Variants in UBE2E2 observed in about 807,000 individuals in gnomAD.
UBE2E2 encodes the protein ubiquitin-conjugating enzyme E2 E2.
Under a neutral mutation model 24.7 loss-of-function variants are expected in UBE2E2, and 6 were observed. The ratio of observed to expected loss-of-function variants is 0.24; its 90% CI spans 0.13 to 0.48. The LOEUF is 0.48. Ranked by LOEUF, UBE2E2 falls within the 20% of genes least tolerant of loss-of-function variation. UBE2E2 has a pLI of 0.99. For missense variants in UBE2E2, 169 were observed against 245.0 expected (o/e 0.69, Z 2.07); for synonymous variants, 104 against 83.6 (o/e 1.24, Z -1.33).
At chr3:23,322,201 A>G (rs1021373617) in intron 3 of UBE2E2, among the ~76,000 whole-genome samples, 3 of 152,250 alleles carry the variant, frequency 2.0e-5, no homozygotes, top group Non-Finnish European at 4.4e-5. Flanking sequence ...AATTTTTCAT[A>G]GTGAACTTAA....
chr3:23,542,170 G>A (rs1420664397), intron 5 of UBE2E2, among the ~76,000 whole-genome samples: 1 of 152,102 alleles, frequency 6.6e-6, no homozygotes, highest in Non-Finnish European at 1.5e-5. Flanking sequence ...TCGTAGGAGG[G>A]TACATTTATC....
At chr3:23,350,854 G>GA (rs1695726284) in intron 3 of UBE2E2, among the ~76,000 whole-genome samples, 1 of 152,180 alleles carries the variant, frequency 6.6e-6, no homozygotes, top group Non-Finnish European at 1.5e-5. Context: ...TAGCAAGGCA[G>GA]ACCAACATTC....
Position 23,487,276 on chromosome 3 carries a change from G to A in UBE2E2, c.228-12332G>A, listed in dbSNP as rs192413695. On this transcript the variant is annotated intron_variant, in intron 3 of 5. Coordinates refer to ENST00000396703, the MANE Select transcript of UBE2E2 (RefSeq NM_152653.4). ...GGAAGAGGCCAGGGAGTAGGAGCAG[G>A]CACTTCCAAGCCTGCAGGGGCAGGG... is the stretch of plus-strand genomic sequence containing the variant. Among the ~76,000 whole-genome samples, 78 of 152,234 alleles carry A rather than the reference G, an allele frequency of 5.1e-4. 1 individual carries two copies. The highest frequency in any genetic ancestry group is 1.6e-3 in the African/African-American group (66 of 41,552).
At chr3:23,571,280 C>CTTTTTTTTTTTTTTTTTT (rs59243406) in intron 5 of UBE2E2, among the ~76,000 whole-genome samples, 525 of 29,874 alleles carry the variant, frequency 0.018, 209 homozygotes, top group Middle Eastern at 0.17. Context: ...GTGCTCCTTT[C>CTTTTTTTTTTTTTTTTTT]TTTTTTTTTT....
At chr3:23,447,644 T>C (rs907094656) in intron 3 of UBE2E2, among the ~76,000 whole-genome samples, 5 of 152,196 alleles carry the variant, frequency 3.3e-5, no homozygotes, top group African/African-American at 1.2e-4. Context: ...GAAGAAGTTT[T>C]AGTAATTCTT....
rs929515507 is a variant in UBE2E2 at position 23,208,803 on chromosome 3, A to C, written c.104A>C (p.Gln35Pro). 4.7e-5 allele frequency: 76 copies of C among 1,613,660 alleles called. No homozygotes were observed. Among genetic ancestry groups the C allele is most frequent in the Non-Finnish European group, 6.3e-5 (74 of 1,179,804 alleles). The change falls in exon 2 of 6, where the codon CAA becomes CCA. Residue 35 changes from glutamine (Q) to proline (P), a missense_variant. By Grantham distance (76) the Gln-to-Pro change is moderately conservative. Transcript: ENST00000396703. ...ESVQQEPERE[Q>P]VQPKKKEGKI... ...GTTCAGCAAGAACCAGAAAGAGAAC[A>C]AGTTCAGCCCAAGAAAAAGGAGGGA...
chr3:23,254,021 C>T (rs1697649487), intron 3 of UBE2E2, among the ~76,000 whole-genome samples: 1 of 152,134 alleles, frequency 6.6e-6, no homozygotes, highest in Non-Finnish European at 1.5e-5. Context: ...AACTGCCAGT[C>T]TAATAGGATA....
At chr3:23,468,549 G>A (rs1698970963) in intron 3 of UBE2E2, among the ~76,000 whole-genome samples, 1 of 152,152 alleles carries the variant, frequency 6.6e-6, no homozygotes, top group African/African-American at 2.4e-5. Context: ...ACCCAGTAAT[G>A]GAAATGTAAT....
intron 3 of UBE2E2, among the ~76,000 whole-genome samples, chr3:23,355,166 G>A (rs1461630098): frequency 6.6e-6 from 1 of 150,758 alleles, no homozygotes; most frequent in African/African-American, 2.4e-5. Context: ...ACTCATAGGT[G>A]GGAATTGAAC....
At chr3:23,542,350 A>T (rs1477380573) in intron 5 of UBE2E2, among the ~76,000 whole-genome samples, 1 of 152,210 alleles carries the variant, frequency 6.6e-6, no homozygotes, top group Admixed American at 6.6e-5. Context: ...ATATGAGTTC[A>T]AAAAGTTAAT....
intron 3 of UBE2E2, among the ~76,000 whole-genome samples, chr3:23,376,738 C>T (rs1696530507): frequency 6.6e-6 from 1 of 152,196 alleles, no homozygotes; most frequent in African/African-American, 2.4e-5. Flanking sequence ...AATGTCACAG[C>T]ATGTCCTCTT....
At chr3:23,387,189 G>A (rs183238753) in intron 3 of UBE2E2, among the ~76,000 whole-genome samples, 108 of 152,318 alleles carry the variant, frequency 7.1e-4, no homozygotes, top group Non-Finnish European at 1.1e-3. Context: ...TCCTATTCCT[G>A]ATGGTTTAAA....
rs1696728533 is a variant in UBE2E2, at chr3:23,590,175, CT to C, written c.*345del. ...AGCTTTCTTACAAAGCTTTGTATTA[CT>C]GTGTGGTTTTGTTTTTTTTGTTGTT... On this transcript the variant is annotated 3_prime_UTR_variant, in exon 6 of 6. Coordinates refer to ENST00000396703, the MANE Select transcript of UBE2E2 (RefSeq NM_152653.4). 4.9e-6 allele frequency: 1 copy of C among 205,078 alleles called. No homozygotes were observed. Among genetic ancestry groups the C allele is most frequent in the Admixed American group, 5.8e-5 (1 of 17,204 alleles). The allele number at this position is 205,078 out of a possible 1,614,324, so 12.7% of individuals were successfully genotyped here.
At chr3:23,384,731 C>T (rs1227647961) in intron 3 of UBE2E2, among the ~76,000 whole-genome samples, 3 of 151,080 alleles carry the variant, frequency 2.0e-5, no homozygotes, top group Non-Finnish European at 2.9e-5. Flanking sequence ...TTATTAGAGA[C>T]GGGGTTTCAC....
intron 3 of UBE2E2, among the ~76,000 whole-genome samples, chr3:23,311,903 C>T (rs1422802944): frequency 6.6e-6 from 1 of 152,044 alleles, no homozygotes; most frequent in Non-Finnish European, 1.5e-5. Flanking sequence ...TGGTTTGGAT[C>T]TGTGTCTCCA....
chr3:23,560,735 C>G (rs929168252), intron 5 of UBE2E2, among the ~76,000 whole-genome samples: 1 of 152,028 alleles, frequency 6.6e-6, no homozygotes, highest in Non-Finnish European at 1.5e-5. Context: ...TCTGTTGTTT[C>G]CTGACTTTTT....
At chr3:23,402,333 AG>A (rs764838662) in intron 3 of UBE2E2, among the ~76,000 whole-genome samples, 5 of 152,232 alleles carry the variant, frequency 3.3e-5, no homozygotes, top group African/African-American at 4.8e-5. Context: ...CTTACGTGAT[AG>A]TCACTAGTAC....
chr3:23,563,398 C>T (rs1695984138), intron 5 of UBE2E2, among the ~76,000 whole-genome samples: 1 of 152,076 alleles, frequency 6.6e-6, no homozygotes, highest in Admixed American at 6.6e-5. Context: ...GTTTCTTAGT[C>T]CTGAGTTCTA....
rs566366658 is a variant in UBE2E2 at position 23,441,393 on chromosome 3, G to A, written c.228-58215G>A. 2.2e-4 allele frequency among the ~76,000 whole-genome samples: 30 copies of A among 136,854 alleles called. 1 individual carries two copies. The South Asian group carries it at 6.6e-3, about 30-fold the overall frequency. 89.8% of individuals were successfully genotyped at this position (136,854 alleles called of 152,430 possible). A position where few individuals can be genotyped will look rare whatever the true frequency, so the allele number is the denominator to read the frequency against. ...CAAAAAAAAAAAAAAAAAAAAATTA[G>A]CTGGGCATGGTGGCGGGCGCCTGTA... On this transcript the variant is annotated intron_variant, in intron 3 of 5. Coordinates refer to ENST00000396703, the MANE Select transcript of UBE2E2 (RefSeq NM_152653.4).
Sources: allele counts gnomAD v4.1 joint callset (sites outside exome capture counted in the v4.1 genomes callset), GRCh38; gene constraint gnomAD v4.1.1; transcripts MANE v1.5; gene names NCBI Gene and HGNC (gene_info 2026-07-23, HGNC 2026-07-21).